The following AKAP6 variants were observed in gnomAD, a reference collection of about 807,000 sequenced individuals.
AKAP6 encodes the protein A-kinase anchoring protein 6, also known as A-kinase anchor protein 6.
AKAP6 carries 58 observed loss-of-function variants against 188.5 expected under a neutral mutation model. The observed-to-expected ratio is 0.31, with a 90% CI of 0.25 to 0.38. The LOEUF (loss-of-function observed/expected upper bound fraction) is 0.38. Ranked by LOEUF, AKAP6 falls within the 10% of genes least tolerant of loss-of-function variation. The pLI, the probability that AKAP6 is intolerant of heterozygous loss-of-function variation, is 1.00. For missense variants in AKAP6, 2,710 were observed against 2,740.0 expected (o/e 0.99, Z 0.24); for synonymous variants, 989 against 998.6 (o/e 0.99, Z 0.18).
intron 3 of AKAP6, among the ~76,000 whole-genome samples, chr14:32,543,603 A>G (rs1038301573): frequency 6.6e-6 from 1 of 152,162 alleles, no homozygotes; most frequent in Non-Finnish European, 1.5e-5. Context: ...TTTTTGAGGA[A>G]AAGTTTGGAT....
rs114458677 is a variant in AKAP6 at position 32,594,087 on chromosome 14, C to T, written c.2470-5323C>T. ...CACTCATTGCCTGGCACTGCTTTAACGCTTTATATTTATTATCTCCAATTC... is the reference window on the plus strand; with the variant it reads ...CACTCATTGCCTGGCACTGCTTTAATGCTTTATATTTATTATCTCCAATTC... On this transcript the variant is annotated intron_variant, in intron 5 of 13. Transcript: ENST00000280979. Among the ~76,000 whole-genome samples the T allele has an allele frequency of 2.1e-3, 324 of 152,188 alleles. 2 individuals are homozygous for T. Among genetic ancestry groups the T allele is most frequent in the African/African-American group, 7.3e-3 (305 of 41,518 alleles).
In AKAP6 at chr14:32,492,721, T is replaced by C. The variant is rs184702804; in HGVS notation, c.325-42833T>C. Among the ~76,000 whole-genome samples the C allele has an allele frequency of 2.2e-3, 329 of 152,234 alleles. 2 individuals are homozygous for C. Among genetic ancestry groups the C allele is most frequent in the African/African-American group, 7.5e-3 (310 of 41,542 alleles). ...TCTCTCTCTTAAAAAAAATTCTCCA[T>C]GGGCTGTGCTATCTAATATAGATAA... On this transcript the variant is annotated intron_variant, in intron 2 of 13. Transcript: ENST00000280979.
chr14:32,605,885 AT>A (rs1380615896), intron 7 of AKAP6, among the ~76,000 whole-genome samples: 2 of 152,202 alleles, frequency 1.3e-5, no homozygotes, highest in Non-Finnish European at 2.9e-5. Context: ...CTTGAGAAGC[AT>A]AATAGAAAAT....
At chr14:32,400,327 G>A (rs1031195657) in intron 1 of AKAP6, among the ~76,000 whole-genome samples, 1 of 151,306 alleles carries the variant, frequency 6.6e-6, no homozygotes, top group Non-Finnish European at 1.5e-5. Context: ...CTACCTTGTG[G>A]CCACTCCATG....
At chr14:32,429,233 G>T (rs537798405) in intron 1 of AKAP6, among the ~76,000 whole-genome samples, 127 of 152,298 alleles carry the variant, frequency 8.3e-4, no homozygotes, top group African/African-American at 3.0e-3. Flanking sequence ...GACTAGAAAG[G>T]AATCTTATCT....
chr14:32,358,447 A>G (rs1372949641), intron 1 of AKAP6, among the ~76,000 whole-genome samples: 5 of 152,222 alleles, frequency 3.3e-5, no homozygotes, highest in Admixed American at 2.0e-4. Context: ...TAAAGAATGA[A>G]GTTTTAGATC....
At chr14:32,351,987 C>A (rs2138449385) in intron 1 of AKAP6, among the ~76,000 whole-genome samples, 1 of 152,022 alleles carries the variant, frequency 6.6e-6, no homozygotes, top group South Asian at 2.1e-4. Flanking sequence ...TCCAGTACTC[C>A]CATGCCTGCT....
intron 10 of AKAP6, chr14:32,734,098 A>G (rs919106156): frequency 6.6e-6 from 1 of 152,160 alleles, no homozygotes; most frequent in Non-Finnish European, 1.5e-5. Flanking sequence ...TTTGACAAAA[A>G]CATCATTCAA....
chr14:32,642,078 T>C lies in AKAP6; in HGVS notation c.2731-36233T>C, dbSNP rs76953808. 3.9e-4 allele frequency among the ~76,000 whole-genome samples: 60 copies of C among 152,332 alleles called. 1 individual carries two copies. In the East Asian group the frequency reaches 0.011, roughly 28 times the overall value. Reference sequence around the variant, plus strand: ...TGTTCAGGGAAGCTATTCCACAAGATAAAAGGCTAGTAATCTAATAACTAG... The same window carrying C: ...TGTTCAGGGAAGCTATTCCACAAGACAAAAGGCTAGTAATCTAATAACTAG... On this transcript the variant is annotated intron_variant, in intron 7 of 13. Coordinates refer to ENST00000280979, the MANE Select transcript of AKAP6 (RefSeq NM_004274.5).
chr14:32,729,175 A>G (rs1031635744), intron 9 of AKAP6, among the ~76,000 whole-genome samples: 10 of 152,108 alleles, frequency 6.6e-5, no homozygotes, highest in African/African-American at 2.4e-4. Flanking sequence ...TACCAGTTTC[A>G]AAATGGCTTA....
chr14:32,330,712 G>GTTT (rs1433986333), intron 1 of AKAP6, among the ~76,000 whole-genome samples: 1 of 104,154 alleles, frequency 9.6e-6, no homozygotes, highest in Non-Finnish European at 1.9e-5. Context: ...AGCTTGGAGT[G>GTTT]ATTTTTTTTT....
chr14:32,331,833 T>A (rs1401644007), intron 1 of AKAP6, among the ~76,000 whole-genome samples: 2 of 152,124 alleles, frequency 1.3e-5, no homozygotes, highest in Non-Finnish European at 2.9e-5. Context: ...GGACAGAGTT[T>A]AGGCCATGGA....
At chr14:32,527,160 T>C (rs1472957899) in intron 2 of AKAP6, among the ~76,000 whole-genome samples, 1 of 152,242 alleles carries the variant, frequency 6.6e-6, no homozygotes, top group Non-Finnish European at 1.5e-5. Context: ...GCTTTGCCTT[T>C]TCCGGAATGT....
intron 1 of AKAP6, among the ~76,000 whole-genome samples, chr14:32,428,885 A>T (rs1434918976): frequency 6.6e-6 from 1 of 152,254 alleles, no homozygotes; most frequent in Admixed American, 6.5e-5. Flanking sequence ...AATTTAAAAA[A>T]AAGCCTTAAA....
At chr14:32,715,769 G>T (rs537116048) in intron 9 of AKAP6, among the ~76,000 whole-genome samples, 261 of 107,654 alleles carry the variant, frequency 2.4e-3, no homozygotes, top group African/African-American at 6.3e-3. Flanking sequence ...TAAAAGGAAA[G>T]ATTTTTTTTT....
At chr14:32,503,936 T>C (rs1880732591) in intron 2 of AKAP6, among the ~76,000 whole-genome samples, 1 of 151,948 alleles carries the variant, frequency 6.6e-6, no homozygotes, top group African/African-American at 2.4e-5. Context: ...AAGTTTGTTA[T>C]TATTTATATT....
At chr14:32,827,501 A>G in intron 13 of AKAP6, among the ~76,000 whole-genome samples, 1 of 152,216 alleles carries the variant, frequency 6.6e-6, no homozygotes, top group Admixed American at 6.5e-5. Context: ...CTGTGTTCTA[A>G]TTAAAAACCC....
chr14:32,638,536 TA>T (rs895613469), intron 7 of AKAP6, among the ~76,000 whole-genome samples: 7 of 152,116 alleles, frequency 4.6e-5, no homozygotes, highest in African/African-American at 1.7e-4. Flanking sequence ...CATGAAACCT[TA>T]AAAAATTGTT....
intron 1 of AKAP6, among the ~76,000 whole-genome samples, chr14:32,378,871 C>CT (rs1223383416): frequency 1.3e-5 from 2 of 150,582 alleles, no homozygotes; most frequent in African/African-American, 2.4e-5. Flanking sequence ...TGAGCAATTT[C>CT]TTTAAGGACA....
Sources: allele counts gnomAD v4.1 joint callset (sites outside exome capture counted in the v4.1 genomes callset), GRCh38; gene constraint gnomAD v4.1.1; transcripts MANE v1.5; gene names NCBI Gene and HGNC (gene_info 2026-07-23, HGNC 2026-07-21).